CYB5R3: variants seen among roughly 807,000 people sequenced by gnomAD.
The protein encoded by CYB5R3 is NADH-cytochrome b5 reductase 3.
A neutral mutation model predicts 36.5 loss-of-function variants in CYB5R3; 28 were observed. The observed-to-expected ratio is 0.77, with a 90% CI of 0.57 to 1.05. The LOEUF (loss-of-function observed/expected upper bound fraction) is 1.05, where lower values mean the gene tolerates loss of function less well. Among genes scored for constraint, CYB5R3 ranks in the 50% least tolerant of loss-of-function variants. The probability of loss-of-function intolerance (pLI) is 0.00; values close to 1 mark genes in which losing one functional copy is unlikely to be tolerated. For synonymous variants in CYB5R3, 181 were observed against 159.8 expected, an observed-to-expected ratio of 1.13 and a Z score of -1.00; for missense variants, 474 against 408.9, an observed-to-expected ratio of 1.16 and a Z score of -1.37.
intron 1 of CYB5R3, among the ~76,000 whole-genome samples, chr22:42,638,227 C>T (rs1929003200): frequency 6.6e-6 from 1 of 151,832 alleles, no homozygotes; most frequent in Non-Finnish European, 1.5e-5. Flanking sequence ...AAAACCCCAT[C>T]TCTACTAAAA....
chr22:42,623,761 C>T, intron 8 of CYB5R3, 28 bp downstream of exon 8: 1 of 1,588,066 alleles, frequency 6.3e-7, no homozygotes, highest in South Asian at 1.1e-5. Context: ...ACCTCCCACC[C>T]ACCCAGTGAG....
At chr22:42,626,306 G>A (rs1393346067) in intron 7 of CYB5R3, among the ~76,000 whole-genome samples, 1 of 152,158 alleles carries the variant, frequency 6.6e-6, no homozygotes, top group Non-Finnish European at 1.5e-5. Flanking sequence ...GCGAGACTTT[G>A]TATCAAAATA....
chr22:42,648,201 GA>G (rs869171020), intron 1 of CYB5R3, among the ~76,000 whole-genome samples: 19,368 of 152,154 alleles, frequency 0.13, 1,334 homozygotes, highest in Middle Eastern at 0.2. Context: ...CTTTTGCCTG[GA>G]TCCCCAAGGA....
chr22:42,627,655 T>A lies in CYB5R3; in HGVS notation c.497A>T (p.Asn166Ile). ...AGACTTCACTGTCCTGATGATAGGG[T>A]TGGACTTTTTGTCAGGTCGGATGGC... ...KFAIRPDKKSNPIIRTVKSVG... is the reference protein window; with the variant it reads ...KFAIRPDKKSIPIIRTVKSVG... The change falls in exon 6 of 9, where the codon AAC becomes ATC. Residue 166 changes from asparagine to isoleucine, a missense_variant. Coordinates refer to ENST00000352397, the MANE Select transcript of CYB5R3 (RefSeq NM_000398.7). The A allele has an allele frequency of 7.4e-6, 12 of 1,614,054 alleles. No homozygotes were observed. Among genetic ancestry groups the A allele is most frequent in the Non-Finnish European group, 1.0e-5 (12 of 1,179,960 alleles).
At chr22:42,639,339 G>T (rs1293841136) in intron 1 of CYB5R3, among the ~76,000 whole-genome samples, 7 of 133,766 alleles carry the variant, frequency 5.2e-5, no homozygotes, top group Non-Finnish European at 8.0e-5. Flanking sequence ...AAAAAAAAGT[G>T]GGGGGGGACC....
intron 2 of CYB5R3, 85 bp downstream of exon 2, chr22:42,636,630 C>T: frequency 1.3e-6 from 2 of 1,566,252 alleles, no homozygotes; most frequent in South Asian, 1.1e-5. Context: ...GTATCTACTT[C>T]AGAGCAGGAC....
At position 42,623,803 on chromosome 22, in the gene CYB5R3, T is replaced by C. The variant is rs121965018; in HGVS notation, c.719A>G (p.Asp240Gly). ...SARFKLWYTL[D>G]RAPEAWDYGQ... ...CCCTCACTCACCTTCAGGGGCTCTGTCCAGCGTGTACCAGAGCTTGAAGCG... is the reference window on the plus strand; with the variant it reads ...CCCTCACTCACCTTCAGGGGCTCTGCCCAGCGTGTACCAGAGCTTGAAGCG... Residue 240 changes from aspartate (D) to glycine (G), a missense_variant, in exon 8 of 9, where the codon GAC becomes GGC. Coordinates refer to ENST00000352397, the MANE Select transcript of CYB5R3 (RefSeq NM_000398.7). 1.2e-4 allele frequency: 195 copies of C among 1,613,808 alleles called. No homozygotes were observed. Among genetic ancestry groups the C allele is most frequent in the Non-Finnish European group, 1.5e-4 (182 of 1,179,822 alleles).
intron 1 of CYB5R3, among the ~76,000 whole-genome samples, chr22:42,637,728 C>A (rs1928971768): frequency 6.6e-6 from 1 of 152,198 alleles, no homozygotes; most frequent in Admixed American, 6.5e-5. Flanking sequence ...CTCGCAGCAA[C>A]CCCGTGTGGT....
intron 8 of CYB5R3, among the ~76,000 whole-genome samples, chr22:42,621,379 GCT>G (rs776534241): frequency 6.6e-6 from 1 of 152,120 alleles, no homozygotes; most frequent in African/African-American, 2.4e-5. Context: ...ACCGTGCATG[GCT>G]TAATGTATTT....
chr22:42,632,400 T>G, intron 2 of CYB5R3: 1 of 152,334 alleles, frequency 6.6e-6, no homozygotes, highest in South Asian at 2.1e-4. Context: ...GGGCAGGACA[T>G]CACAGATGCC....
chr22:42,630,814 G>A (rs1266098938), intron 4 of CYB5R3, 68 bp downstream of exon 4: 2 of 1,339,952 alleles, frequency 1.5e-6, no homozygotes, highest in Non-Finnish European at 2.1e-6. Context: ...TGTCCAGGGG[G>A]TCCACATGGG....
chr22:42,644,628 C>T, intron 1 of CYB5R3: 2 of 1,455,668 alleles, frequency 1.4e-6, no homozygotes, highest in Admixed American at 2.4e-5. Flanking sequence ...GGGGCAAGTA[C>T]TATTCCGAGG....
At position 42,618,555 on chromosome 22, in the gene CYB5R3, A is replaced by AG. The variant is rs1927760110; in HGVS notation, c.*1217_*1218insC. 2 of 141,264 alleles carry AG rather than the reference A, an allele frequency of 1.4e-5. No homozygotes were observed. The highest frequency in any genetic ancestry group is 4.0e-4 in the East Asian group (2 of 4,948). The allele number at this position is 141,264 out of a possible 1,614,324, so 8.8% of individuals were successfully genotyped here. On this transcript the variant is annotated 3_prime_UTR_variant, in exon 9 of 9. Coordinates refer to ENST00000352397, the MANE Select transcript of CYB5R3 (RefSeq NM_000398.7). The stretch of plus-strand genomic sequence containing the variant: ...CCGTCTCAAAAAAAAAAAAAAAAAA[A>AG]TACAAAAACTAGCTGGGTGTGGTGG...
chr22:42,648,794 C>G (rs1929639945), intron 1 of CYB5R3, among the ~76,000 whole-genome samples: 1 of 152,178 alleles, frequency 6.6e-6, no homozygotes, highest in Non-Finnish European at 1.5e-5. Flanking sequence ...CACACACACA[C>G]ACGTTCAGTC....
chr22:42,646,294 T>G (rs1452836630), intron 1 of CYB5R3, among the ~76,000 whole-genome samples: 4 of 152,080 alleles, frequency 2.6e-5, no homozygotes, highest in Non-Finnish European at 5.9e-5. Flanking sequence ...CCTGACCTAA[T>G]GCCCACAAGC....
intron 1 of CYB5R3, chr22:42,640,290 A>C (rs2055914612): frequency 1.3e-6 from 2 of 1,545,146 alleles, no homozygotes; most frequent in Admixed American, 1.9e-5. Flanking sequence ...TGGGATGGAA[A>C]GTCCATCATC....
At chr22:42,622,656 G>C (rs1341916610) in intron 8 of CYB5R3, among the ~76,000 whole-genome samples, 1 of 152,198 alleles carries the variant, frequency 6.6e-6, no homozygotes, top group Non-Finnish European at 1.5e-5. Context: ...TAGCCAGGTG[G>C]TGCAAGTCCC....
Position 42,622,185 on chromosome 22 carries a change from G to A in CYB5R3, c.733+1604C>T, listed in dbSNP as rs557659505. On this transcript the variant is annotated intron_variant, in intron 8 of 8. Transcript: ENST00000352397. ...TCTGCCTGCCTCGGCCTCCCAAAGT[G>A]CTGGGATTACAGACGTGAGCCACCG... 4.0e-4 allele frequency among the ~76,000 whole-genome samples: 61 copies of A among 152,288 alleles called. 2 individuals carry two copies. In the South Asian group the frequency reaches 0.012, roughly 31 times the overall value.
chr22:42,627,227 T>C, intron 7 of CYB5R3, 77 bp downstream of exon 7: 1 of 1,235,374 alleles, frequency 8.1e-7, no homozygotes, highest in South Asian at 1.3e-5. Context: ...TGCAGACCCC[T>C]GGAACAGCAC....
Sources: gnomAD v4.1 joint callset for allele counts (sites outside exome capture counted in the v4.1 genomes callset) on GRCh38, gnomAD v4.1.1 for gene constraint, MANE v1.5 for transcripts, NCBI Gene and HGNC (gene_info 2026-07-23, HGNC 2026-07-21) for gene names.